PHYKPL: variants seen among roughly 807,000 people sequenced by gnomAD.
PHYKPL encodes the protein 5-phosphonooxy-L-lysine phospho-lyase.
Under a neutral mutation model 51.3 loss-of-function variants are expected in PHYKPL, and 42 were observed. The observed-to-expected ratio is 0.82, with a 90% CI of 0.64 to 1.06. PHYKPL has a LOEUF of 1.06. PHYKPL is among the 50% of genes least tolerant of loss of function. The pLI, the probability that PHYKPL is intolerant of heterozygous loss-of-function variation, is 0.00. For synonymous variants in PHYKPL, 264 were observed against 236.0 expected, an observed-to-expected ratio of 1.12 and a Z score of -1.09; for missense variants, 655 against 586.6, an observed-to-expected ratio of 1.12 and a Z score of -1.20.
intron 3 of PHYKPL, chr5:178,229,715 A>G (rs1488608482): frequency 4.1e-6 from 2 of 490,488 alleles, no homozygotes; most frequent in Admixed American, 7.0e-5. Flanking sequence ...AGCTCCAGCA[A>G]TGATCCTAGA....
chr5:178,214,656 GCCAGCC>G, intron 10 of PHYKPL, 134 bp downstream of exon 10: 1 of 706,076 alleles, frequency 1.4e-6, no homozygotes, highest in Non-Finnish European at 2.4e-6. Flanking sequence ...GCCCCCACCC[GCCAGCC>G]CCAGCCCTCT....
chr5:178,218,216 CAAAAAAAAAA>C lies in PHYKPL; in HGVS notation c.928-2796_928-2787del, dbSNP rs777929826. Among the ~76,000 whole-genome samples, 26 of 58,286 alleles carry C rather than the reference CAAAAAAAAAA, an allele frequency of 4.5e-4. No individual in the cohort carries two copies. The Middle Eastern group carries it at 0.07, about 157-fold the overall frequency. The allele number at this position is 58,286 out of a possible 152,430, so 38.2% of individuals were successfully genotyped here. ...TGGGTGACAGAGCGAAACTCCGTCTCAAAAAAAAAAAAAAAAAAAAAAGAAAGAAAAGAAA... is the reference window on the plus strand; with the variant it reads ...TGGGTGACAGAGCGAAACTCCGTCTCAAAAAAAAAAAAGAAAGAAAAGAAA... On this transcript the variant is annotated intron_variant, in intron 8 of 12. Transcript: ENST00000308158.
intron 6 of PHYKPL, 58 bp from the exon 7 acceptor site, chr5:178,222,992 C>T (rs374731985): frequency 5.3e-5 from 82 of 1,553,752 alleles, no homozygotes; most frequent in Middle Eastern, 1.7e-4. Context: ...ACCGGCTTAG[C>T]GTGCCCTGCT....
chr5:178,222,237 T>C, intron 8 of PHYKPL, 118 bp downstream of exon 8: 3 of 863,304 alleles, frequency 3.5e-6, no homozygotes, highest in Non-Finnish European at 5.3e-6. Context: ...GGACAGCGTC[T>C]TGGAAGCGTG....
intron 12 of PHYKPL, chr5:178,209,321 G>C (rs1362755308): frequency 5.0e-6 from 8 of 1,613,174 alleles, no homozygotes; most frequent in Middle Eastern, 1.7e-4. Context: ...CTGTCCTCTT[G>C]ACTTTTAGTG....
Position 178,232,592 on chromosome 5 carries a change from C to T in PHYKPL, c.-42G>A. ...TCGGTGCCGTGACGCCACGCGGAGA[C>T]GTCGCCGCGCGGGCTGGGCCTCCAA... On this transcript the variant is annotated 5_prime_UTR_variant, in exon 1 of 13. Coordinates refer to ENST00000308158, the MANE Select transcript of PHYKPL (RefSeq NM_153373.4). 1 of 1,248,242 alleles carries T rather than the reference C, an allele frequency of 8.0e-7. No individual in the cohort carries two copies. Among genetic ancestry groups the T allele is most frequent in the Non-Finnish European group, 1.0e-6 (1 of 997,590 alleles). The allele number at this position is 1,248,242 out of a possible 1,614,324, so 77.3% of individuals were successfully genotyped here. A position where few individuals can be genotyped will look rare whatever the true frequency, so the allele number is the denominator to read the frequency against.
At chr5:178,207,804 C>T (rs146427797), downstream of PHYKPL, among the ~76,000 whole-genome samples, 130 of 148,964 alleles carry the variant, frequency 8.7e-4, no homozygotes, top group East Asian at 0.022. Flanking sequence ...ATGGGCGGAC[C>T]GGATCCTCCC....
rs555602905 is a variant in PHYKPL, at chr5:178,213,108, GAGGAC to G, written c.1173-10_1173-6del. 37 of 1,613,904 alleles carry G rather than the reference GAGGAC, an allele frequency of 2.3e-5. No individual in the cohort carries two copies. In the East Asian group the frequency reaches 7.8e-4, roughly 34 times the overall value. ...AAAACGTAGTTCTCCTTCAGCCTGT[GAGGAC>G]AGGACACCCCTTCACATGGCCTTCA... On this transcript the variant is annotated splice_polypyrimidine_tract_variant and splice_region_variant and intron_variant, in intron 10 of 12. Transcript: ENST00000308158.
chr5:178,215,620 G>A (rs1481921548), intron 8 of PHYKPL, 190 bp from the exon 9 acceptor site: 3 of 624,218 alleles, frequency 4.8e-6, no homozygotes, highest in East Asian at 6.0e-5. Flanking sequence ...TGGCTTTCCA[G>A]GAGCTAATGT....
intron 12 of PHYKPL, 79 bp downstream of exon 12, chr5:178,211,799 TAAAAAAAGGCTC>T: frequency 1.1e-6 from 1 of 887,266 alleles, no homozygotes; most frequent in Non-Finnish European, 1.8e-6. Flanking sequence ...AAAAAAGTCT[TAAAAAAAGGCTC>T]AGCTTGCCGA....
chr5:178,225,272 G>C, intron 4 of PHYKPL, 83 bp downstream of exon 4: 1 of 1,527,134 alleles, frequency 6.5e-7, no homozygotes, highest in South Asian at 1.1e-5. Context: ...CCCTGCCTAA[G>C]GCACCCAGAG....
chr5:178,216,690 G>A (rs561953803), intron 8 of PHYKPL: 14 of 152,300 alleles, frequency 9.2e-5, no homozygotes, highest in South Asian at 2.1e-4. Flanking sequence ...TGCAAACTGC[G>A]CCCGAGGAAG....
rs1192067439 is a variant in PHYKPL, at chr5:178,209,233, T to TA, written c.*32-319_*32-318insT. 6.2e-6 allele frequency: 6 copies of TA among 969,020 alleles called. No homozygotes were observed. The Admixed American group carries it at 8.9e-5, about 14-fold the overall frequency. 60.0% of individuals were successfully genotyped at this position (969,020 alleles called of 1,614,324 possible). A position where few individuals can be genotyped will look rare whatever the true frequency, so the allele number is the denominator to read the frequency against. ...TATTTTGTTTCTCAGCAAATGGACC[T>TA]GATCCACCATTTGATGTTTGTCGCA... is the stretch of plus-strand genomic sequence containing the variant. On this transcript the variant is annotated intron_variant, in intron 12 of 12. Coordinates refer to ENST00000308158, the MANE Select transcript of PHYKPL (RefSeq NM_153373.4).
At chr5:178,225,799 C>G in intron 3 of PHYKPL, 1 of 259,644 alleles carries the variant, frequency 3.9e-6, no homozygotes. Flanking sequence ...GGCAAGCAAT[C>G]AGTTCTGCAG....
chr5:178,232,137 C>G (rs1377013324), intron 1 of PHYKPL: 1 of 1,195,950 alleles, frequency 8.4e-7, no homozygotes, highest in East Asian at 5.2e-5. Context: ...ACGGGCCACC[C>G]TGGGTGAGGT....
Position 178,230,090 on chromosome 5 carries a change from C to T in PHYKPL, c.188G>A (p.Cys63Tyr). 1.2e-6 allele frequency: 2 copies of T among 1,613,928 alleles called. No individual in the cohort carries two copies. Among genetic ancestry groups the T allele is most frequent in the Non-Finnish European group, 1.7e-6 (2 of 1,180,008 alleles). ...TGCTGCTTGGACCACGAGAGGGTGG[C>T]AGTGCCCAACTGGAAGAGGGCCGCC... ...CISNVAHVGH[C>Y]HPLVVQAAHE... The change falls in exon 3 of 13, where the codon TGC becomes TAC. Residue 63 changes from cysteine to tyrosine, a missense_variant. By Grantham distance (194) the Cys-to-Tyr change is radical. Transcript: ENST00000308158.
In PHYKPL at chr5:178,224,643, A is replaced by AC; in HGVS notation, c.499dup (p.Val167GlyfsTer47). 2.5e-6 allele frequency: 4 copies of AC among 1,614,186 alleles called. No homozygotes were observed. The highest frequency in any genetic ancestry group is 3.4e-6 in the Non-Finnish European group (4 of 1,180,028). On this transcript the variant is annotated frameshift_variant and splice_region_variant, in exon 5 of 13. Coordinates refer to ENST00000308158, the MANE Select transcript of PHYKPL (RefSeq NM_153373.4). LOFTEE classifies it high-confidence loss of function. ...GTTGTTGAGTTGGGCAGTGCATACCACGTGGACCCACTCCTTCTGGCCATC... is the reference window on the plus strand; with the variant it reads ...GTTGTTGAGTTGGGCAGTGCATACCACCGTGGACCCACTCCTTCTGGCCATC...
chr5:178,226,935 G>A (rs1202264374), intron 3 of PHYKPL, among the ~76,000 whole-genome samples: 1 of 151,870 alleles, frequency 6.6e-6, no homozygotes, highest in East Asian at 1.9e-4. Context: ...ATATATGTGT[G>A]TATATACAAA....
chr5:178,213,808 G>A (rs1759164382), intron 10 of PHYKPL, among the ~76,000 whole-genome samples: 5 of 152,204 alleles, frequency 3.3e-5, no homozygotes, highest in Admixed American at 2.6e-4. Flanking sequence ...ACTGACCATG[G>A]CCACGCCAGA....
Sources: allele counts gnomAD v4.1 joint callset (sites outside exome capture counted in the v4.1 genomes callset), GRCh38; gene constraint gnomAD v4.1.1; transcripts MANE v1.5; gene names NCBI Gene and HGNC (gene_info 2026-07-23, HGNC 2026-07-21).